The following PTPRD variants were observed in gnomAD, a reference collection of about 807,000 sequenced individuals.
PTPRD encodes protein tyrosine phosphatase receptor type D.
Under a neutral mutation model 214.5 loss-of-function variants are expected in PTPRD, and 34 were observed. That is an observed-to-expected ratio of 0.16 (90% CI 0.12 to 0.21). PTPRD has a LOEUF of 0.21. Among genes scored for constraint, PTPRD ranks in the 10% least tolerant of loss-of-function variants. PTPRD has a pLI of 1.00. For synonymous variants in PTPRD, 1,128 were observed against 845.7 expected (o/e 1.33, Z -5.79); for missense variants, 2,545 against 2,398.7 (o/e 1.06, Z -1.27).
intron 11 of PTPRD, among the ~76,000 whole-genome samples, chr9:8,826,201 A>G (rs959714037): frequency 7.2e-6 from 1 of 139,408 alleles, no homozygotes; most frequent in African/African-American, 2.7e-5. Context: ...TGCCACCACC[A>G]TCTCTCATCC....
chr9:9,504,430 C>T (rs12337005), intron 8 of PTPRD, among the ~76,000 whole-genome samples: 22,437 of 151,538 alleles, frequency 0.15, 1,785 homozygotes, highest in Middle Eastern at 0.24. Flanking sequence ...GTCTCCATTC[C>T]AAATGTATCT....
chr9:9,786,096 T>C (rs772145380), intron 5 of PTPRD, among the ~76,000 whole-genome samples: 39 of 152,314 alleles, frequency 2.6e-4, no homozygotes, highest in Non-Finnish European at 5.4e-4. Context: ...CCTAAGCCTG[T>C]TTTCTATTAT....
chr9:9,668,613 G>C (rs1013010661), intron 7 of PTPRD, among the ~76,000 whole-genome samples: 2 of 152,060 alleles, frequency 1.3e-5, no homozygotes, highest in Non-Finnish European at 2.9e-5. Flanking sequence ...AGCATAAAGA[G>C]AAATTCAGTT....
chr9:9,994,883 T>A lies in PTPRD; in HGVS notation c.-472+38835A>T, dbSNP rs556594010. Among the ~76,000 whole-genome samples the A allele has an allele frequency of 2.0e-5, 3 of 152,258 alleles. No individual in the cohort carries two copies. The East Asian group carries it at 5.8e-4, about 29-fold the overall frequency. On this transcript the variant is annotated intron_variant, in intron 4 of 45. Coordinates refer to ENST00000381196, the MANE Select transcript of PTPRD (RefSeq NM_002839.4). ...TTAAGTCTCCAAATAGCATATTATA[T>A]ATAATGTTAATATTGGATACTGCAT... is the stretch of plus-strand genomic sequence containing the variant.
At chr9:10,012,592 G>A (rs2096624067) in intron 4 of PTPRD, among the ~76,000 whole-genome samples, 2 of 151,884 alleles carry the variant, frequency 1.3e-5, no homozygotes, top group African/African-American at 4.8e-5. Flanking sequence ...AGACAAGAAT[G>A]CTATAGGAAA....
At chr9:9,453,803 G>C (rs554366859) in intron 8 of PTPRD, among the ~76,000 whole-genome samples, 15 of 151,740 alleles carry the variant, frequency 9.9e-5, no homozygotes, top group African/African-American at 3.1e-4. Flanking sequence ...CTTTAGTGAA[G>C]CCCATAAGGA....
chr9:9,234,850 C>T (rs2099965564), intron 9 of PTPRD, among the ~76,000 whole-genome samples: 1 of 152,298 alleles, frequency 6.6e-6, no homozygotes, highest in South Asian at 2.1e-4. Context: ...TAGGAAGTTC[C>T]AGACTTTCCT....
chr9:8,751,860 A>G (rs1437973461), intron 11 of PTPRD, among the ~76,000 whole-genome samples: 5 of 152,250 alleles, frequency 3.3e-5, no homozygotes, highest in Non-Finnish European at 5.9e-5. Flanking sequence ...TGGAGGGTGT[A>G]GAACCTGACA....
At chr9:8,887,724 A>C (rs1193517601) in intron 11 of PTPRD, among the ~76,000 whole-genome samples, 4 of 152,230 alleles carry the variant, frequency 2.6e-5, no homozygotes, top group African/African-American at 4.8e-5. Context: ...CTACACTTGC[A>C]GAACACAAAA....
chr9:9,082,609 T>C (rs895884112), intron 10 of PTPRD, among the ~76,000 whole-genome samples: 13 of 152,222 alleles, frequency 8.5e-5, no homozygotes, highest in South Asian at 4.1e-4. Flanking sequence ...GGAAGTCAAA[T>C]TGTCTTTCTT....
intron 12 of PTPRD, chr9:8,713,634 G>T: frequency 4.6e-6 from 7 of 1,532,234 alleles, no homozygotes; most frequent in Non-Finnish European, 6.3e-6. Context: ...CTGTCACCCA[G>T]TGCTACCGAG....
At chr9:8,323,218 T>C (rs866788034) in intron 44 of PTPRD, among the ~76,000 whole-genome samples, 1 of 152,174 alleles carries the variant, frequency 6.6e-6, no homozygotes, top group Non-Finnish European at 1.5e-5. Flanking sequence ...ATACTGCTCA[T>C]TGACAACATA....
chr9:9,181,493 A>G (rs1246286206), intron 10 of PTPRD, among the ~76,000 whole-genome samples: 4 of 151,992 alleles, frequency 2.6e-5, no homozygotes. Context: ...AAATAACAAT[A>G]ATAACATCTA....
chr9:9,068,853 T>G (rs760254267), intron 10 of PTPRD, among the ~76,000 whole-genome samples: 22 of 152,178 alleles, frequency 1.4e-4, no homozygotes, highest in Non-Finnish European at 2.8e-4. Context: ...CTTGTGATCT[T>G]CCCTCCTTGA....
At chr9:9,256,462 G>C (rs558542545) in intron 9 of PTPRD, among the ~76,000 whole-genome samples, 1 of 146,456 alleles carries the variant, frequency 6.8e-6, no homozygotes, top group African/African-American at 2.5e-5. Context: ...TGATTTGAAT[G>C]TTCTTGCCTA....
At chr9:8,602,962 T>C (rs1474441793) in intron 14 of PTPRD, among the ~76,000 whole-genome samples, 2 of 152,174 alleles carry the variant, frequency 1.3e-5, no homozygotes, top group African/African-American at 4.8e-5. Flanking sequence ...GAATTAGTCT[T>C]CCTTAGACTG....
intron 12 of PTPRD, among the ~76,000 whole-genome samples, chr9:8,663,522 A>G (rs112098997): frequency 0.1 from 15,155 of 151,860 alleles, 803 homozygotes; most frequent in South Asian, 0.12. Context: ...AGGCAGTCTC[A>G]CTCTGTTGCC....
intron 4 of PTPRD, among the ~76,000 whole-genome samples, chr9:9,965,058 A>G (rs767875865): frequency 6.6e-6 from 1 of 152,190 alleles, no homozygotes; most frequent in Non-Finnish European, 1.5e-5. Flanking sequence ...AAGTCTGTTC[A>G]TTACAACAGA....
intron 3 of PTPRD, among the ~76,000 whole-genome samples, chr9:10,182,073 G>T (rs183588582): frequency 7.8e-4 from 116 of 149,244 alleles, no homozygotes; most frequent in African/African-American, 2.7e-3. Flanking sequence ...GGCTAATACG[G>T]TGAAACCTGT....
Sources: allele counts gnomAD v4.1 joint callset (sites outside exome capture counted in the v4.1 genomes callset), GRCh38; gene constraint gnomAD v4.1.1; transcripts MANE v1.5; gene names NCBI Gene and HGNC (gene_info 2026-07-23, HGNC 2026-07-21).